CCDC122: variants seen among roughly 807,000 people sequenced by gnomAD.
CCDC122 encodes the protein coiled-coil domain-containing protein 122.
CCDC122 carries 38 observed loss-of-function variants against 37.0 expected under a neutral mutation model. The ratio of observed to expected loss-of-function variants is 1.03; its 90% CI spans 0.79 to 1.35. The LOEUF (loss-of-function observed/expected upper bound fraction) is 1.35. Among genes scored for constraint, CCDC122 ranks in the 40% most tolerant of loss-of-function variants. CCDC122 has a pLI of 0.00. For missense variants in CCDC122, 305 were observed against 310.0 expected (o/e 0.98, Z 0.12); for synonymous variants, 83 against 95.6 (o/e 0.87, Z 0.77).
At chr13:43,871,373 A>T (rs7334644) in intron 2 of CCDC122, among the ~76,000 whole-genome samples, 19,875 of 152,028 alleles carry the variant, frequency 0.13, 1,628 homozygotes, top group African/African-American at 0.22. Context: ...CCTAGCAGTA[A>T]ATTCCTGCTA....
chr13:43,837,283 C>T lies in CCDC122; in HGVS notation c.819G>A (p.Glu273=). The T allele has an allele frequency of 6.2e-7, 1 of 1,613,418 alleles. No individual in the cohort carries two copies. The highest frequency in any genetic ancestry group is 8.5e-7 in the Non-Finnish European group (1 of 1,179,760). The part of the protein sequence containing the change: ...AELRKCIGMQ[E] ...TCCACATTGCCCTATGGCAATGTTA[C>T]TCTTGCATTCCAATGCATTTTCTTA... The change falls in exon 7 of 7, where the codon GAG becomes GAA. Residue 273 remains glutamate (E), a synonymous_variant. Transcript: ENST00000444614.
intron 5 of CCDC122, 42 bp downstream of exon 5, chr13:43,859,630 G>T (rs1168822880): frequency 3.6e-6 from 5 of 1,398,954 alleles, no homozygotes; most frequent in South Asian, 1.7e-5. Context: ...TTGCAAAAAA[G>T]GAGTAATAGA....
At chr13:43,829,517 G>C (rs1294544342) in intron 3 of CCDC122, among the ~76,000 whole-genome samples, 1 of 152,072 alleles carries the variant, frequency 6.6e-6, no homozygotes, top group Non-Finnish European at 1.5e-5. Flanking sequence ...TGCTGGCCAG[G>C]CTGTTCTCGA....
chr13:43,855,046 T>C (rs1053507901), intron 6 of CCDC122: 3 of 152,116 alleles, frequency 2.0e-5, no homozygotes, highest in African/African-American at 7.2e-5. Context: ...ACCAGAGGCA[T>C]TCCTCTTGAA....
At position 43,836,728 on chromosome 13, in the gene CCDC122, T is replaced by G. The variant is rs1170805971; in HGVS notation, c.*552A>C. The G allele has an allele frequency of 1.3e-5, 2 of 151,302 alleles. No homozygotes were observed. The highest frequency in any genetic ancestry group is 4.9e-5 in the African/African-American group (2 of 41,208). 9.4% of individuals were successfully genotyped at this position (151,302 alleles called of 1,614,324 possible). On this transcript the variant is annotated 3_prime_UTR_variant, in exon 7 of 7. Transcript: ENST00000444614. The stretch of plus-strand genomic sequence containing the variant: ...AGCCGGGCGCGGTGGCGGGCGCCTG[T>G]GGTCCCAGCTACTCGGGAGGCTGAG...
At chr13:43,868,825 A>C (rs979989232) in intron 3 of CCDC122, 22 bp from the exon 4 acceptor site, 2 of 1,174,122 alleles carry the variant, frequency 1.7e-6, no homozygotes, top group Non-Finnish European at 2.3e-6. Context: ...CAAAAGAATA[A>C]AGTATATAAT....
intron 2 of CCDC122, among the ~76,000 whole-genome samples, chr13:43,871,802 A>G (rs1954460997): frequency 6.6e-6 from 1 of 151,946 alleles, no homozygotes; most frequent in African/African-American, 2.4e-5. Flanking sequence ...CACTGCCACC[A>G]TATTTCCTTT....
In CCDC122 at chr13:43,827,283, A is replaced by G. The variant is rs192535411; in HGVS notation, n.602-3272T>C. Among the ~76,000 whole-genome samples the G allele has an allele frequency of 1.4e-4, 21 of 152,342 alleles. 1 individual carries two copies. The highest frequency in any genetic ancestry group is 5.1e-4 in the African/African-American group (21 of 41,578). ...ATAAATGTTCATACATTTTGGTGTA[A>G]AATTATACAAGTAGATTTTGGAAAT... On this transcript the variant is annotated intron_variant and non_coding_transcript_variant, in intron 3 of 3. Coordinates refer to the CCDC122 transcript ENST00000470137.
In CCDC122 at chr13:43,870,257, C is replaced by T. The variant is rs532805398; in HGVS notation, c.-113-768G>A. On this transcript the variant is annotated intron_variant, in intron 2 of 6. Transcript: ENST00000444614. Reference sequence around the variant, plus strand: ...CTTGAAATTTATAATTCTTTCCTGTCGCTTCATGTCACTTCCTTCAAATCT... The same window carrying T: ...CTTGAAATTTATAATTCTTTCCTGTTGCTTCATGTCACTTCCTTCAAATCT... 3.9e-5 allele frequency among the ~76,000 whole-genome samples: 6 copies of T among 152,122 alleles called. No homozygotes were observed. In the South Asian group the frequency reaches 6.2e-4, roughly 16 times the overall value.
At chr13:43,833,821 G>A (rs1028672722), downstream of CCDC122, among the ~76,000 whole-genome samples, 11 of 152,114 alleles carry the variant, frequency 7.2e-5, no homozygotes, top group East Asian at 1.9e-4. Flanking sequence ...GAAAAAAAAC[G>A]AAGAAGAGGA....
intron 6 of CCDC122, 100 bp downstream of exon 6, chr13:43,858,681 C>A: frequency 1.2e-6 from 1 of 826,162 alleles, no homozygotes; most frequent in Non-Finnish European, 1.7e-6. Flanking sequence ...TGTTCTTCAA[C>A]TGTTTTGAGT....
At chr13:43,822,741 G>T (rs1953003965), downstream of CCDC122, among the ~76,000 whole-genome samples, 1 of 152,142 alleles carries the variant, frequency 6.6e-6, no homozygotes, top group Non-Finnish European at 1.5e-5. Context: ...CCATGGTGGG[G>T]TTCTGCCAGG....
At chr13:43,871,879 T>C (rs565881731) in intron 2 of CCDC122, among the ~76,000 whole-genome samples, 1 of 152,234 alleles carries the variant, frequency 6.6e-6, no homozygotes, top group East Asian at 1.9e-4. Context: ...GCTTTAACTT[T>C]CCTTGCTGTT....
chr13:43,849,100 A>C (rs1953640502), intron 6 of CCDC122: 2 of 858,082 alleles, frequency 2.3e-6, no homozygotes, highest in Non-Finnish European at 2.8e-6. Flanking sequence ...AAGAATCTTT[A>C]AGTTCTTAAC....
At chr13:43,859,563 G>C in intron 5 of CCDC122, 109 bp downstream of exon 5, 1 of 819,566 alleles carries the variant, frequency 1.2e-6, no homozygotes, top group Non-Finnish European at 1.8e-6. Flanking sequence ...GAAGGTAATA[G>C]GACAGCTATG....
At chr13:43,858,689 A>T (rs995577566) in intron 6 of CCDC122, 92 bp downstream of exon 6, 3 of 893,986 alleles carry the variant, frequency 3.4e-6, no homozygotes, top group Non-Finnish European at 4.6e-6. Context: ...AACTGTTTTG[A>T]GTATTGAGAG....
chr13:43,831,412 AGAAGCACC>A (rs1235997491), downstream of CCDC122, among the ~76,000 whole-genome samples: 1 of 152,230 alleles, frequency 6.6e-6, no homozygotes, highest in African/African-American at 2.4e-5. Flanking sequence ...ATATACACAA[AGAAGCACC>A]ATGGATTCTG....
chr13:43,847,443 T>TA (rs1953581316), intron 6 of CCDC122, among the ~76,000 whole-genome samples: 1 of 152,040 alleles, frequency 6.6e-6, no homozygotes, highest in Non-Finnish European at 1.5e-5. Context: ...AAACCATATT[T>TA]AAAAAAAGAA....
intron 4 of CCDC122, among the ~76,000 whole-genome samples, chr13:43,861,632 T>G (rs1029771759): frequency 6.6e-6 from 1 of 152,176 alleles, no homozygotes; most frequent in Non-Finnish European, 1.5e-5. Context: ...TTTTAAAAAA[T>G]GCAAACTTCC....
Sources: gnomAD v4.1 joint callset for allele counts (sites outside exome capture counted in the v4.1 genomes callset) on GRCh38, gnomAD v4.1.1 for gene constraint, MANE v1.5 for transcripts, NCBI Gene and HGNC (gene_info 2026-07-23, HGNC 2026-07-21) for gene names.